WDR5: variants seen among roughly 807,000 people sequenced by gnomAD.
WDR5 encodes WD repeat domain 5.
For synonymous variants in WDR5, 144 were observed against 161.6 expected (o/e 0.89, Z 0.83); for missense variants, 187 against 416.9 (o/e 0.45, Z 4.80).
At chr9:134,137,830 C>T (rs1831657440) in intron 1 of WDR5, among the ~76,000 whole-genome samples, 1 of 152,110 alleles carries the variant, frequency 6.6e-6, no homozygotes, top group Non-Finnish European at 1.5e-5. Context: ...CTTGGTTCTG[C>T]CTTCTGGTTT....
intron 9 of WDR5, among the ~76,000 whole-genome samples, chr9:134,152,697 A>C (rs2064360978): frequency 6.6e-6 from 1 of 151,770 alleles, no homozygotes; most frequent in Non-Finnish European, 1.5e-5. Context: ...GGGGGGATGG[A>C]CCCCCGTGTG....
intron 11 of WDR5, 115 bp downstream of exon 11, chr9:134,155,488 C>A: frequency 7.0e-7 from 1 of 1,434,618 alleles, no homozygotes. Context: ...GAGCCATCTC[C>A]GCTGGGTTTG....
chr9:134,150,078 T>C (rs1383514400), intron 8 of WDR5, among the ~76,000 whole-genome samples: 1 of 152,218 alleles, frequency 6.6e-6, no homozygotes. Flanking sequence ...GGGAGCTCCC[T>C]GGTTCATGTC....
In WDR5 at chr9:134,148,469, C is replaced by T. The variant is rs1588174962; in HGVS notation, c.584+126C>T. The T allele has an allele frequency of 7.3e-5, 58 of 793,662 alleles. 1 individual carries two copies. In the South Asian group the frequency reaches 8.8e-4, roughly 12 times the overall value. The allele number at this position is 793,662 out of a possible 1,614,324, so 49.2% of individuals were successfully genotyped here. A position where few individuals can be genotyped will look rare whatever the true frequency, so the allele number is the denominator to read the frequency against. On this transcript the variant is annotated intron_variant, in intron 8 of 13. Coordinates refer to ENST00000358625, the MANE Select transcript of WDR5 (RefSeq NM_017588.3). ...CAAGTCCTTAATTTCCGAAGCTTCT[C>T]TTCTGGCCACGCTGCAGACATGTTA... is the stretch of plus-strand genomic sequence containing the variant.
intron 7 of WDR5, among the ~76,000 whole-genome samples, chr9:134,145,096 G>GTTTTTTTTTTTTTTTTTTTTTTTTTTT (rs56864188): frequency 9.6e-6 from 1 of 104,664 alleles, no homozygotes; most frequent in African/African-American, 3.4e-5. Flanking sequence ...GTGGGGCTTT[G>GTTTTTTTTTTTTTTTTTTTTTTTTTTT]TTTTTTTTTT....
intron 8 of WDR5, among the ~76,000 whole-genome samples, chr9:134,149,486 C>A (rs1390838722): frequency 1.3e-5 from 2 of 152,180 alleles, no homozygotes; most frequent in Non-Finnish European, 2.9e-5. Context: ...TCAGGAACAG[C>A]CAGAGGGGAG....
chr9:134,143,475 A>C (rs1181438495), intron 7 of WDR5, among the ~76,000 whole-genome samples: 1 of 151,066 alleles, frequency 6.6e-6, no homozygotes, highest in Non-Finnish European at 1.5e-5. Flanking sequence ...TGGGAAGCGG[A>C]GGTTGCAGTG....
At chr9:134,155,502 C>A (rs1287330899) in intron 11 of WDR5, 129 bp downstream of exon 11, 3 of 1,367,898 alleles carry the variant, frequency 2.2e-6, no homozygotes, top group Non-Finnish European at 3.0e-6. Flanking sequence ...GGGTTTGGTG[C>A]GAATTCCTGA....
intron 7 of WDR5, among the ~76,000 whole-genome samples, chr9:134,146,469 C>G (rs1832207592): frequency 6.6e-6 from 1 of 152,232 alleles, no homozygotes. Context: ...TTCCTGGCCT[C>G]AAGTGATCCG....
At chr9:134,145,299 AT>A (rs1464030081) in intron 7 of WDR5, among the ~76,000 whole-genome samples, 13 of 151,936 alleles carry the variant, frequency 8.6e-5, no homozygotes, top group Non-Finnish European at 1.9e-4. Context: ...GGGTTTCACC[AT>A]GTTGGCCAGG....
At chr9:134,144,286 G>T (rs965650029) in intron 7 of WDR5, among the ~76,000 whole-genome samples, 1 of 152,206 alleles carries the variant, frequency 6.6e-6, no homozygotes, top group Non-Finnish European at 1.5e-5. Context: ...GTGTGCTTGC[G>T]GGCCCAGCCC....
chr9:134,146,834 G>A (rs1184502407), intron 7 of WDR5, among the ~76,000 whole-genome samples: 13 of 152,232 alleles, frequency 8.5e-5, no homozygotes, highest in African/African-American at 2.9e-4. Context: ...GGATCACTGT[G>A]AGTTAGAAAA....
intron 12 of WDR5, 96 bp from the exon 13 acceptor site, chr9:134,156,410 G>C: frequency 7.9e-7 from 1 of 1,259,874 alleles, no homozygotes; most frequent in Admixed American, 1.8e-5. Context: ...CAGGGTGGGC[G>C]TGGGGCAGGG....
intron 8 of WDR5, among the ~76,000 whole-genome samples, chr9:134,149,305 G>T (rs950371775): frequency 6.6e-6 from 1 of 152,222 alleles, no homozygotes; most frequent in South Asian, 2.1e-4. Context: ...CCATCGCCTC[G>T]CAAGGTTCAA....
intron 8 of WDR5, among the ~76,000 whole-genome samples, chr9:134,151,732 A>C (rs1832498138): frequency 6.6e-6 from 1 of 152,114 alleles, no homozygotes; most frequent in South Asian, 2.1e-4. Flanking sequence ...TGGCTTGTGT[A>C]GGAGAGATCC....
At chr9:134,149,835 G>A (rs532763695) in intron 8 of WDR5, among the ~76,000 whole-genome samples, 2 of 152,270 alleles carry the variant, frequency 1.3e-5, no homozygotes, top group Admixed American at 6.5e-5. Context: ...GGGAGGAAGC[G>A]GGAGTCAGAA....
chr9:134,148,284 C>T lies in WDR5; in HGVS notation c.529-4C>T, dbSNP rs566874628. 1.6e-5 allele frequency: 25 copies of T among 1,569,266 alleles called. No homozygotes were observed. The East Asian group carries it at 5.5e-4, about 35-fold the overall frequency. On this transcript the variant is annotated splice_polypyrimidine_tract_variant and splice_region_variant and intron_variant, in intron 7 of 13. Coordinates refer to ENST00000358625, the MANE Select transcript of WDR5 (RefSeq NM_017588.3). Reference sequence around the variant, plus strand: ...TGTCTCTTCTTCCTCTCCTTAATTCCTAGGTTCATTTTAATCGTGATGGAT... The same window carrying T: ...TGTCTCTTCTTCCTCTCCTTAATTCTTAGGTTCATTTTAATCGTGATGGAT...
Position 134,158,325 on chromosome 9 carries a change from C to T in WDR5, c.*332C>T, listed in dbSNP as rs755036818. ...ACATGCGTTGTGTTTTTTCAGTAAA[C>T]GTTCTGTATCTTTTTGATATTCCAT... On this transcript the variant is annotated 3_prime_UTR_variant, in exon 14 of 14. Coordinates refer to ENST00000358625, the MANE Select transcript of WDR5 (RefSeq NM_017588.3). The T allele has an allele frequency of 5.3e-5, 11 of 205,956 alleles. No homozygotes were observed. The highest frequency in any genetic ancestry group is 1.4e-4 in the African/African-American group (6 of 42,770). 12.8% of individuals were successfully genotyped at this position (205,956 alleles called of 1,614,324 possible).
intron 6 of WDR5, 92 bp from the exon 7 acceptor site, chr9:134,142,544 T>C: frequency 2.6e-6 from 4 of 1,553,074 alleles, no homozygotes; most frequent in Non-Finnish European, 3.6e-6. Flanking sequence ...GTGCTGTTTG[T>C]GGGGAGGATG....
Sources: allele counts gnomAD v4.1 joint callset (sites outside exome capture counted in the v4.1 genomes callset), GRCh38; gene constraint gnomAD v4.1.1; transcripts MANE v1.5; gene names NCBI Gene and HGNC (gene_info 2026-07-23, HGNC 2026-07-21).